The following CUX2 variants were observed in gnomAD, a reference collection of about 807,000 sequenced individuals.
CUX2 encodes homeobox protein cut-like 2.
CUX2 carries 40 observed loss-of-function variants against 144.8 expected under a neutral mutation model. The ratio of observed to expected loss-of-function variants is 0.28; its 90% CI spans 0.21 to 0.36. The LOEUF (loss-of-function observed/expected upper bound fraction) is 0.36. Among genes scored for constraint, CUX2 ranks in the 10% least tolerant of loss-of-function variants. CUX2 has a pLI of 1.00. For missense variants in CUX2, 1,615 were observed against 1,994.0 expected (o/e 0.81, Z 3.62); for synonymous variants, 827 against 875.6 (o/e 0.94, Z 0.98).
chr12:111,137,377 T>TTGTTGA (rs1566246566), intron 1 of CUX2, among the ~76,000 whole-genome samples: 52 of 148,296 alleles, frequency 3.5e-4, no homozygotes, highest in African/African-American at 1.4e-3. Context: ...GTTGATGTTG[T>TTGTTGA]CGTTGTTGTT....
intron 3 of CUX2, among the ~76,000 whole-genome samples, chr12:111,223,297 C>T (rs1881948105): frequency 6.6e-6 from 1 of 152,118 alleles, no homozygotes; most frequent in Admixed American, 6.5e-5. Context: ...AAATAATGTC[C>T]AGAAGCCCAA....
chr12:111,210,663 G>A (rs943444718), intron 1 of CUX2, among the ~76,000 whole-genome samples: 1 of 152,044 alleles, frequency 6.6e-6, no homozygotes, highest in Non-Finnish European at 1.5e-5. Flanking sequence ...TAGGCATGAT[G>A]GCACATGCCT....
At chr12:111,144,326 C>T (rs892166326) in intron 1 of CUX2, among the ~76,000 whole-genome samples, 3 of 152,234 alleles carry the variant, frequency 2.0e-5, no homozygotes, top group Non-Finnish European at 4.4e-5. Context: ...CAGACACCCA[C>T]GCTGCCTTTT....
At chr12:111,163,427 G>A (rs577042810) in intron 1 of CUX2, among the ~76,000 whole-genome samples, 37 of 152,294 alleles carry the variant, frequency 2.4e-4, no homozygotes, top group African/African-American at 8.2e-4. Context: ...GTAAAACTTC[G>A]CTGTGACTTA....
rs1883790490 is a variant in CUX2, at chr12:111,255,861, T to C, written c.223-7900T>C. On this transcript the variant is annotated intron_variant, in intron 3 of 21. Coordinates refer to ENST00000261726, the MANE Select transcript of CUX2 (RefSeq NM_015267.4). The surrounding 1 kb of genome is among the most constrained non-coding windows in gnomAD (Gnocchi z 4.1). ...GGGTGGTAGGAAATCAGAAGGGTGC[T>C]GTAAAGAAAAGGGATCTTTCACAGG... Among the ~76,000 whole-genome samples, 1 of 152,150 alleles carries C rather than the reference T, an allele frequency of 6.6e-6. No individual in the cohort carries two copies. The highest frequency in any genetic ancestry group is 2.1e-4 in the South Asian group (1 of 4,824).
intron 1 of CUX2, among the ~76,000 whole-genome samples, chr12:111,161,168 G>A (rs1053345796): frequency 2.6e-5 from 4 of 152,118 alleles, no homozygotes; most frequent in African/African-American, 9.7e-5. Context: ...TCACTGGAAG[G>A]GTACTTAAGC....
intron 1 of CUX2, among the ~76,000 whole-genome samples, chr12:111,042,878 C>T (rs1295684423): frequency 6.6e-6 from 1 of 151,404 alleles, no homozygotes; most frequent in East Asian, 2.0e-4. Flanking sequence ...TCAAGTGATT[C>T]TCCCAACTCA....
chr12:111,286,841 C>A (rs1301035046), intron 4 of CUX2, among the ~76,000 whole-genome samples: 1 of 151,992 alleles, frequency 6.6e-6, no homozygotes, highest in Non-Finnish European at 1.5e-5. Context: ...GGCACTCCAG[C>A]CTGGGCAACA....
intron 1 of CUX2, among the ~76,000 whole-genome samples, chr12:111,212,375 A>C (rs1371986974): frequency 6.6e-6 from 1 of 152,130 alleles, no homozygotes; most frequent in African/African-American, 2.4e-5. Flanking sequence ...AGCACCTTGG[A>C]GAGCACCTGT....
chr12:111,291,482 C>A lies in CUX2; in HGVS notation c.366C>A (p.Asp122Glu), dbSNP rs781694349. The A allele has an allele frequency of 1.9e-6, 3 of 1,611,998 alleles. No homozygotes were observed. Among genetic ancestry groups the A allele is most frequent in the African/African-American group, 2.7e-5 (2 of 74,898 alleles). ...LDDRLQPPSF[D>E]PSGQPRRDLH... ...ACAGACTGCAGCCCCCCAGCTTTGA[C>A]CCCAGTGGGCAGCCCCGGCGAGACC... The change falls in exon 5 of 22, where the codon GAC (aspartate) becomes GAA (glutamate). Residue 122 changes from aspartate to glutamate, a missense_variant. This residue lies in a region of CUX2 where 295 missense variants were observed against 400.2 expected (regional missense o/e 0.74). Transcript: ENST00000261726.
chr12:111,083,703 C>T (rs1203686248), intron 1 of CUX2, among the ~76,000 whole-genome samples: 2 of 152,062 alleles, frequency 1.3e-5, no homozygotes, highest in Non-Finnish European at 2.9e-5. Flanking sequence ...AGGGGACGCC[C>T]ACCGAGCAAA....
At chr12:111,199,193 C>T (rs1880423233) in intron 1 of CUX2, among the ~76,000 whole-genome samples, 1 of 152,068 alleles carries the variant, frequency 6.6e-6, no homozygotes, top group Non-Finnish European at 1.5e-5. Flanking sequence ...GGGATTCGTT[C>T]AACATCACTA....
At position 111,312,250 on chromosome 12, in the gene CUX2, C is replaced by T. The variant is rs780291395; in HGVS notation, c.2002+49C>T. The T allele has an allele frequency of 5.4e-6, 8 of 1,492,640 alleles. No homozygotes were observed. The highest frequency in any genetic ancestry group is 2.8e-5 in the African/African-American group (2 of 71,886). The allele number at this position is 1,492,640 out of a possible 1,614,324, so 92.5% of individuals were successfully genotyped here. A position where few individuals can be genotyped will look rare whatever the true frequency, so the allele number is the denominator to read the frequency against. ...AGCCTGAGGCCCCCGGGGCCAGCTG[C>T]GAACAGGAGATGAGGCTTCGTCTAC... On this transcript the variant is annotated intron_variant, in intron 16 of 21. Transcript: ENST00000261726. The surrounding 1 kb of genome is among the most constrained non-coding windows in gnomAD (Gnocchi z 4.3).
intron 1 of CUX2, among the ~76,000 whole-genome samples, chr12:111,151,602 A>AG (rs1465664354): frequency 5.9e-5 from 9 of 152,230 alleles, no homozygotes; most frequent in Non-Finnish European, 1.3e-4. Context: ...GGCAGACGGC[A>AG]GAGGAAGACG....
intron 1 of CUX2, among the ~76,000 whole-genome samples, chr12:111,208,638 G>T (rs1251076800): frequency 6.6e-6 from 1 of 152,182 alleles, no homozygotes; most frequent in Non-Finnish European, 1.5e-5. Context: ...GGGAGACTCA[G>T]ATATGATTCA....
In CUX2 at chr12:111,296,577, A is replaced by G. The variant is rs763664684; in HGVS notation, c.704+38A>G. On this transcript the variant is annotated intron_variant, in intron 8 of 21. Transcript: ENST00000261726. Reference sequence around the variant, plus strand: ...TGCTGAGGTGTACCTCCTCCCTTGGAGGCCTCCCAGACAGGCCTCCTCCTT... The same window carrying G: ...TGCTGAGGTGTACCTCCTCCCTTGGGGGCCTCCCAGACAGGCCTCCTCCTT... 2.5e-6 allele frequency: 4 copies of G among 1,577,530 alleles called. 1 individual carries two copies. The South Asian group carries it at 4.6e-5, about 18-fold the overall frequency.
intron 1 of CUX2, among the ~76,000 whole-genome samples, chr12:111,152,410 A>T (rs892053243): frequency 2.0e-5 from 3 of 152,214 alleles, no homozygotes; most frequent in African/African-American, 7.2e-5. Context: ...CTCTCAGGGC[A>T]AACTGGAGCG....
In CUX2 at chr12:111,337,877, A is replaced by C. The variant is rs7976137; in HGVS notation, c.3197-409A>C. Among the ~76,000 whole-genome samples the C allele has an allele frequency of 5.8e-3, 889 of 152,184 alleles. 11 individuals are homozygous for C. The highest frequency in any genetic ancestry group is 0.02 in the African/African-American group (850 of 41,508). ...ATGGGAAACCCCATCTCTACTAAAAATACAAAAATTAGCTGGGTGTGGTAG... is the reference window on the plus strand; with the variant it reads ...ATGGGAAACCCCATCTCTACTAAAACTACAAAAATTAGCTGGGTGTGGTAG... On this transcript the variant is annotated intron_variant, in intron 19 of 21. Transcript: ENST00000261726.
At chr12:111,174,372 G>A (rs1287235603) in intron 1 of CUX2, among the ~76,000 whole-genome samples, 1 of 152,222 alleles carries the variant, frequency 6.6e-6, no homozygotes, top group Non-Finnish European at 1.5e-5. Context: ...TTCCTGATCA[G>A]TTTGGTTCCA....
Sources: allele counts gnomAD v4.1 joint callset (sites outside exome capture counted in the v4.1 genomes callset), GRCh38; gene constraint gnomAD v4.1.1; regional missense constraint gnomAD v4.1.1; non-coding constraint Gnocchi (gnomAD v3.1); transcripts MANE v1.5; gene names NCBI Gene and HGNC (gene_info 2026-07-23, HGNC 2026-07-21).